The following JAK2 variants were observed in gnomAD, a reference collection of about 807,000 sequenced individuals.
The protein encoded by JAK2 is tyrosine-protein kinase JAK2.
JAK2 carries 86 observed loss-of-function variants against 139.3 expected under a neutral mutation model. That is an observed-to-expected ratio of 0.62 (90% CI 0.52 to 0.74). The LOEUF is 0.74. JAK2 is among the 30% of genes least tolerant of loss of function. JAK2 has a pLI of 0.00. For missense variants in JAK2, 1,421 were observed against 1,360.3 expected (o/e 1.04, Z -0.70); for synonymous variants, 490 against 437.7 (o/e 1.12, Z -1.49).
chr9:5,106,320 A>T (rs1315025774), intron 22 of JAK2, among the ~76,000 whole-genome samples: 1 of 152,276 alleles, frequency 6.6e-6, no homozygotes, highest in African/African-American at 2.4e-5. Context: ...TGGTCATCAG[A>T]GAAATGGAAA....
At chr9:5,049,499 A>G (rs557864868) in intron 5 of JAK2, among the ~76,000 whole-genome samples, 22 of 152,172 alleles carry the variant, frequency 1.4e-4, no homozygotes, top group African/African-American at 3.4e-4. Context: ...TGAAGTTTCA[A>G]ATCTTCCATG....
intron 22 of JAK2, among the ~76,000 whole-genome samples, chr9:5,121,583 G>C (rs1823618528): frequency 6.6e-6 from 1 of 152,120 alleles, no homozygotes; most frequent in Admixed American, 6.6e-5. Context: ...GAATTCCCAA[G>C]AGATAGTTAC....
At chr9:5,013,542 A>G (rs902870307) in intron 2 of JAK2, among the ~76,000 whole-genome samples, 1 of 152,206 alleles carries the variant, frequency 6.6e-6, no homozygotes, top group African/African-American at 2.4e-5. Flanking sequence ...GAACCTTCCA[A>G]TCCAGCCAAA....
At chr9:5,085,498 C>T in intron 19 of JAK2, 1 of 720,512 alleles carries the variant, frequency 1.4e-6, no homozygotes, top group Non-Finnish European at 2.6e-6. Context: ...TTCTTTTGAC[C>T]CGAGCTGAAG....
intron 22 of JAK2, chr9:5,110,202 C>T (rs891766459): frequency 3.9e-5 from 6 of 152,364 alleles, no homozygotes; most frequent in African/African-American, 1.4e-4. Flanking sequence ...CTCAGCCCTG[C>T]TCCACTCCAG....
At chr9:5,030,146 A>G (rs753722068) in intron 4 of JAK2, among the ~76,000 whole-genome samples, 11 of 152,178 alleles carry the variant, frequency 7.2e-5, no homozygotes, top group Non-Finnish European at 1.3e-4. Context: ...TTAACTCCTT[A>G]TGATTATAAT....
chr9:5,021,893 A>T, intron 2 of JAK2, 70 bp from the exon 3 acceptor site: 5 of 879,490 alleles, frequency 5.7e-6, no homozygotes, highest in Non-Finnish European at 8.8e-6. Flanking sequence ...TCGGCCCCGC[A>T]AAGTGCTAGG....
Position 4,997,712 on chromosome 9 carries a change from G to C in JAK2, c.-26+11690G>C, listed in dbSNP as rs571402768. On this transcript the variant is annotated intron_variant, in intron 2 of 24. Transcript: ENST00000381652. ...AATTGAATATATTGGTTTTATAAAG[G>C]TTTGATATGGAAAGATTCATTAGGA... Among the ~76,000 whole-genome samples the C allele has an allele frequency of 2.6e-5, 4 of 152,298 alleles. No homozygotes were observed. In the South Asian group the frequency reaches 8.3e-4, roughly 32 times the overall value.
intron 19 of JAK2, among the ~76,000 whole-genome samples, 167 bp downstream of exon 19, chr9:5,082,028 T>C (rs977211328): frequency 6.6e-6 from 1 of 152,240 alleles, no homozygotes; most frequent in South Asian, 2.1e-4. Context: ...ACAGCTATCT[T>C]TACTGAATGA....
intron 22 of JAK2, chr9:5,114,358 G>A (rs993907099): frequency 9.4e-6 from 5 of 534,044 alleles, no homozygotes; most frequent in Non-Finnish European, 1.8e-5. Context: ...GAGAAGCAGT[G>A]CAATGGCACG....
At chr9:5,110,923 C>G (rs1424833119) in intron 22 of JAK2, 1 of 571,370 alleles carries the variant, frequency 1.8e-6, no homozygotes, top group South Asian at 1.5e-5. Context: ...AATGAACCAG[C>G]CGCAGAGGAT....
intron 3 of JAK2, among the ~76,000 whole-genome samples, chr9:5,025,776 C>T (rs777458035): frequency 6.6e-6 from 1 of 152,192 alleles, no homozygotes; most frequent in Non-Finnish European, 1.5e-5. Flanking sequence ...AGGTGATCCA[C>T]CTGCCTCGGC....
intron 6 of JAK2, among the ~76,000 whole-genome samples, chr9:5,053,971 C>T (rs1817591735): frequency 6.6e-6 from 1 of 151,924 alleles, no homozygotes; most frequent in South Asian, 2.1e-4. Flanking sequence ...AAATAAATTA[C>T]CTTCTTTAGA....
intron 4 of JAK2, among the ~76,000 whole-genome samples, chr9:5,034,905 A>G (rs997230583): frequency 1.3e-5 from 2 of 151,840 alleles, no homozygotes; most frequent in Non-Finnish European, 2.9e-5. Flanking sequence ...ACTGAAGGAC[A>G]TAGAGAGACA....
chr9:5,050,912 A>T (rs1817371700), intron 6 of JAK2, 81 bp downstream of exon 6: 4 of 1,222,758 alleles, frequency 3.3e-6, no homozygotes, highest in Admixed American at 2.2e-5. Context: ...GTGTTTACCC[A>T]TGCCTTTTGA....
At chr9:5,109,178 A>G (rs1211628876) in intron 22 of JAK2, 1 of 152,196 alleles carries the variant, frequency 6.6e-6, no homozygotes, top group Non-Finnish European at 1.5e-5. Flanking sequence ...GGACACTTAC[A>G]TATTACATTA....
Position 5,067,659 on chromosome 9 carries a change from T to C in JAK2, c.1326+870T>C, listed in dbSNP as rs148586907. 7.0e-4 allele frequency among the ~76,000 whole-genome samples: 107 copies of C among 151,928 alleles called. 1 individual carries two copies. In the East Asian group the frequency reaches 0.019, roughly 27 times the overall value. On this transcript the variant is annotated intron_variant, in intron 10 of 24. Coordinates refer to ENST00000381652, the MANE Select transcript of JAK2 (RefSeq NM_004972.4). ...ATTCAAGTATGAATTCAAAAAAATA[T>C]ATATATATATTTTATGTTCACTGTA...
chr9:5,112,914 C>G, intron 22 of JAK2: 1 of 278,820 alleles, frequency 3.6e-6, no homozygotes, highest in Non-Finnish European at 6.6e-6. Flanking sequence ...AGAACGCCCA[C>G]TTGAGGCCCT....
intron 22 of JAK2, among the ~76,000 whole-genome samples, chr9:5,118,293 T>G (rs1455595783): frequency 6.6e-6 from 1 of 152,238 alleles, no homozygotes; most frequent in African/African-American, 2.4e-5. Flanking sequence ...GTATTCCCAC[T>G]TCCCTTCTCA....
Sources: gnomAD v4.1 joint callset for allele counts (sites outside exome capture counted in the v4.1 genomes callset) on GRCh38, gnomAD v4.1.1 for gene constraint, MANE v1.5 for transcripts, NCBI Gene and HGNC (gene_info 2026-07-23, HGNC 2026-07-21) for gene names.